Variants in HSCB observed in about 807,000 individuals in gnomAD.
The protein encoded by HSCB is iron-sulfur cluster co-chaperone protein HscB.
HSCB carries 23 observed loss-of-function variants against 31.3 expected under a neutral mutation model. That is an observed-to-expected ratio of 0.74 (90% CI 0.53 to 1.04). HSCB has a LOEUF of 1.04. HSCB is among the 50% of genes least tolerant of loss of function. HSCB has a pLI of 0.00. For synonymous variants in HSCB, 110 were observed against 104.5 expected (o/e 1.05, Z -0.32); for missense variants, 297 against 288.1 (o/e 1.03, Z -0.22).
intron 1 of HSCB, 151 bp downstream of exon 1, chr22:28,742,482 G>C (rs190969493): frequency 1.7e-4 from 221 of 1,325,158 alleles, no homozygotes; most frequent in Non-Finnish European, 2.1e-4. Flanking sequence ...GAAGTGTCTT[G>C]ATTTCTCAGG....
intron 5 of HSCB, among the ~76,000 whole-genome samples, chr22:28,754,241 C>G (rs2030451901): frequency 6.6e-6 from 1 of 152,128 alleles, no homozygotes; most frequent in Non-Finnish European, 1.5e-5. Context: ...CTATATAATT[C>G]CACTTATATG....
intron 4 of HSCB, among the ~76,000 whole-genome samples, chr22:28,746,615 G>C (rs757127076): frequency 3.3e-5 from 5 of 150,852 alleles, no homozygotes; most frequent in African/African-American, 9.7e-5. Flanking sequence ...TCAGCCAAGC[G>C]TAGGCCAGGT....
intron 5 of HSCB, among the ~76,000 whole-genome samples, chr22:28,751,759 AAATC>A (rs1331820863): frequency 6.6e-6 from 1 of 151,860 alleles, no homozygotes; most frequent in Non-Finnish European, 1.5e-5. Context: ...AAAAAAAAAA[AAATC>A]AACATTTCTG....
At chr22:28,756,634 AATTTTTTATTTT>A (rs1239321411) in intron 5 of HSCB, among the ~76,000 whole-genome samples, 1 of 151,568 alleles carries the variant, frequency 6.6e-6, no homozygotes, top group Non-Finnish European at 1.5e-5. Context: ...ATGCCTGGCT[AATTTTTTATTTT>A]ATTTTTTATT....
intron 1 of HSCB, 187 bp downstream of exon 1, chr22:28,742,518 G>A: frequency 1.9e-6 from 2 of 1,068,042 alleles, no homozygotes; most frequent in Non-Finnish European, 2.6e-6. Context: ...GGGGACTGAG[G>A]GAAGCAACGT....
intron 4 of HSCB, among the ~76,000 whole-genome samples, chr22:28,750,364 G>C (rs184269169): frequency 6.6e-6 from 1 of 151,504 alleles, no homozygotes; most frequent in Non-Finnish European, 1.5e-5. Context: ...CTCCTGTAAG[G>C]TATCTGCTAT....
At chr22:28,747,544 C>T (rs1569185203) in intron 4 of HSCB, among the ~76,000 whole-genome samples, 1 of 152,094 alleles carries the variant, frequency 6.6e-6, no homozygotes, top group Non-Finnish European at 1.5e-5. Flanking sequence ...TCAAAGCAAT[C>T]CACCTTCCTC....
chr22:28,742,035 G>C, upstream of HSCB: 1 of 1,532,664 alleles, frequency 6.5e-7, no homozygotes, highest in Admixed American at 1.9e-5. Context: ...ACATTAGTCT[G>C]GTTAGACGCT....
chr22:28,746,400 A>G (rs796495440), intron 4 of HSCB, among the ~76,000 whole-genome samples: 1,810 of 150,702 alleles, frequency 0.012, 52 homozygotes, highest in African/African-American at 0.042. Context: ...AAAAAAAAAA[A>G]AAGGTTATTT....
At chr22:28,743,556 A>T (rs112040674) in intron 1 of HSCB, among the ~76,000 whole-genome samples, 4 of 152,298 alleles carry the variant, frequency 2.6e-5, no homozygotes, top group African/African-American at 9.6e-5. Context: ...GAGGGGCTAC[A>T]GTAACGCTGA....
At chr22:28,742,396 G>T in intron 1 of HSCB, 65 bp downstream of exon 1, 1 of 1,579,436 alleles carries the variant, frequency 6.3e-7, no homozygotes. Flanking sequence ...GCCTGCGAGA[G>T]GGGAGGACGG....
At position 28,757,129 on chromosome 22, in the gene HSCB, A is replaced by G. The variant is rs1186673825; in HGVS notation, c.668A>G (p.Asn223Ser). The change falls in exon 6 of 6, where the codon AAT becomes AGT. Residue 223 changes from asparagine (N) to serine (S), a missense_variant. Coordinates refer to ENST00000216027, the MANE Select transcript of HSCB (RefSeq NM_172002.5). ...TTGACAAAGATGAGATACTTTTCAA[A>G]TATAGAAGAAAAGATCAAGTTAAAG... ...EILTKMRYFS[N>S]IEEKIKLKKI... The G allele has an allele frequency of 5.1e-6, 8 of 1,569,706 alleles. No homozygotes were observed. Among genetic ancestry groups the G allele is most frequent in the Non-Finnish European group, 7.0e-6 (8 of 1,140,104 alleles).
chr22:28,751,571 CTCTG>C (rs2030258505), intron 5 of HSCB, among the ~76,000 whole-genome samples: 1 of 152,086 alleles, frequency 6.6e-6, no homozygotes, highest in Admixed American at 6.6e-5. Flanking sequence ...CACGGTGAAA[CTCTG>C]TCTCTACTAA....
chr22:28,756,881 C>T (rs1041957857), intron 5 of HSCB, among the ~76,000 whole-genome samples, 197 bp from the exon 6 acceptor site: 2 of 152,166 alleles, frequency 1.3e-5, no homozygotes, highest in African/African-American at 4.8e-5. Flanking sequence ...TCTTACACAA[C>T]TCTCGCCCCA....
At chr22:28,755,596 G>C (rs1368800874) in intron 5 of HSCB, among the ~76,000 whole-genome samples, 2 of 151,740 alleles carry the variant, frequency 1.3e-5, no homozygotes, top group Non-Finnish European at 2.9e-5. Context: ...ATATTATTTA[G>C]TCTCACATAT....
chr22:28,742,591 G>A, intron 1 of HSCB: 1 of 526,252 alleles, frequency 1.9e-6, no homozygotes. Context: ...AGAGGAAATA[G>A]GGGGGCCGAG....
intron 5 of HSCB, among the ~76,000 whole-genome samples, chr22:28,755,944 C>T (rs1400612463): frequency 6.6e-6 from 1 of 152,120 alleles, no homozygotes; most frequent in Non-Finnish European, 1.5e-5. Context: ...AAATCATCCC[C>T]AGTTGAAAAT....
chr22:28,750,563 C>T (rs2030161727), intron 4 of HSCB, among the ~76,000 whole-genome samples: 1 of 152,266 alleles, frequency 6.6e-6, no homozygotes, highest in East Asian at 1.9e-4. Flanking sequence ...ACTCATCACC[C>T]ATGGGACAAT....
Position 28,742,113 on chromosome 22 carries a change from C to A in HSCB, c.18C>A (p.Ala6=), listed in dbSNP as rs754502556. Residue 6 remains alanine (A), a synonymous_variant, in exon 1 of 6, where the codon GCC becomes GCA. Coordinates refer to ENST00000216027, the MANE Select transcript of HSCB (RefSeq NM_172002.5). MWRGR[A]GALLRVWGFW... ...CCGGCCAGATGTGGCGGGGGAGAGC[C>A]GGGGCTTTGCTCCGGGTGTGGGGGT... 118 of 1,598,906 alleles carry A rather than the reference C, an allele frequency of 7.4e-5. No individual in the cohort carries two copies. Among genetic ancestry groups the A allele is most frequent in the Non-Finnish European group, 7.8e-5 (92 of 1,173,066 alleles).
Sources: gnomAD v4.1 joint callset for allele counts (sites outside exome capture counted in the v4.1 genomes callset) on GRCh38, gnomAD v4.1.1 for gene constraint, MANE v1.5 for transcripts, NCBI Gene and HGNC (gene_info 2026-07-23, HGNC 2026-07-21) for gene names.